CUBN: variants seen among roughly 807,000 people sequenced by gnomAD.
CUBN encodes the protein cubilin.
In CUBN, 282 loss-of-function variants were observed where a neutral mutation model predicts 405.3. The ratio of observed to expected loss-of-function variants is 0.70; its 90% CI spans 0.63 to 0.77. The LOEUF is 0.77. CUBN is among the 30% of genes least tolerant of loss of function. The pLI is 0.00. For synonymous variants in CUBN, 1,684 were observed against 1,617.0 expected (o/e 1.04, Z -0.99); for missense variants, 4,514 against 4,475.2 (o/e 1.01, Z -0.25).
Position 17,122,893 on chromosome 10 carries a change from A to G in CUBN, c.495T>C (p.Pro165=). ...FCICPPQWKG[P]LCSADVNECE... ...ATTCGTTAACATCAGCTGAGCAGAG[A>G]GGACCCTGTGATCATATAAGGAACA... is the stretch of plus-strand genomic sequence containing the variant. The change falls in exon 6 of 67, where the codon CCT becomes CCC. Residue 165 remains proline, a synonymous_variant. Transcript: ENST00000377833. 3 of 1,612,996 alleles carry G rather than the reference A, an allele frequency of 1.9e-6. No individual in the cohort carries two copies. Among genetic ancestry groups the G allele is most frequent in the Non-Finnish European group, 2.5e-6 (3 of 1,179,000 alleles).
chr10:16,860,276 T>G (rs1239255961), intron 59 of CUBN, among the ~76,000 whole-genome samples: 1 of 152,108 alleles, frequency 6.6e-6, no homozygotes, highest in African/African-American at 2.4e-5. Context: ...TTCTTCAGGA[T>G]AGAGACAAGT....
chr10:16,839,672 T>G (rs1214531973), intron 62 of CUBN, among the ~76,000 whole-genome samples: 1 of 121,138 alleles, frequency 8.3e-6, no homozygotes, highest in African/African-American at 2.5e-5. Flanking sequence ...TCCTTAGGGA[T>G]CTAGAACTAG....
chr10:16,844,269 CCA>C (rs1564381598), intron 60 of CUBN, among the ~76,000 whole-genome samples: 26 of 132,248 alleles, frequency 2.0e-4, no homozygotes, highest in Admixed American at 2.9e-4. Context: ...AACTCTGTCC[CCA>C]AAAAAAAAAA....
intron 14 of CUBN, among the ~76,000 whole-genome samples, chr10:17,092,313 A>G (rs1836281506): frequency 6.6e-6 from 1 of 152,104 alleles, no homozygotes; most frequent in Admixed American, 6.6e-5. Context: ...TCCCTCTACA[A>G]CCCTTAGGAT....
intron 17 of CUBN, 102 bp from the exon 18 acceptor site, chr10:17,072,073 T>G: frequency 1.1e-6 from 1 of 886,866 alleles, no homozygotes; most frequent in Non-Finnish European, 1.8e-6. Flanking sequence ...TCAAAATGAA[T>G]GATAATCCAA....
At chr10:16,965,287 TC>T (rs1843356826) in intron 31 of CUBN, among the ~76,000 whole-genome samples, 2 of 152,238 alleles carry the variant, frequency 1.3e-5, no homozygotes, top group African/African-American at 4.8e-5. Flanking sequence ...GCGTGCGCTT[TC>T]TAAAATGTAA....
At chr10:16,892,769 C>T (rs1399735930) in intron 54 of CUBN, among the ~76,000 whole-genome samples, 1 of 152,138 alleles carries the variant, frequency 6.6e-6, no homozygotes, top group Non-Finnish European at 1.5e-5. Context: ...GCTGGGATTA[C>T]AGGCATAAGC....
chr10:17,012,359 G>C (rs765843296), intron 28 of CUBN, among the ~76,000 whole-genome samples: 1 of 151,900 alleles, frequency 6.6e-6, no homozygotes, highest in Non-Finnish European at 1.5e-5. Flanking sequence ...GTGGCATCTC[G>C]TACTATCCCT....
intron 43 of CUBN, among the ~76,000 whole-genome samples, chr10:16,924,858 A>G (rs765034588): frequency 2.4e-4 from 36 of 152,196 alleles, no homozygotes; most frequent in Admixed American, 1.3e-4. Context: ...TTACAAAATA[A>G]GGCAAATGTA....
At chr10:17,033,455 A>G (rs1450840205) in intron 27 of CUBN, among the ~76,000 whole-genome samples, 2 of 152,224 alleles carry the variant, frequency 1.3e-5, no homozygotes, top group Non-Finnish European at 1.5e-5. Context: ...AAACAGTCAC[A>G]TGTCCATAGC....
chr10:17,089,442 A>G (rs1282835005), intron 14 of CUBN, among the ~76,000 whole-genome samples: 4 of 152,224 alleles, frequency 2.6e-5, no homozygotes, highest in Non-Finnish European at 5.9e-5. Context: ...AAGAATAGAG[A>G]CATGAATAGA....
At chr10:17,050,161 T>C (rs918491830) in intron 22 of CUBN, among the ~76,000 whole-genome samples, 1 of 152,220 alleles carries the variant, frequency 6.6e-6, no homozygotes, top group Non-Finnish European at 1.5e-5. Flanking sequence ...CTCTCTCTTC[T>C]TCCTGTACTC....
intron 27 of CUBN, among the ~76,000 whole-genome samples, chr10:17,028,675 T>C (rs1834726711): frequency 6.8e-6 from 1 of 147,880 alleles, no homozygotes; most frequent in South Asian, 2.1e-4. Flanking sequence ...GAACTGAGAA[T>C]GCAACACTGC....
At chr10:16,991,977 ACTTGGAAC>A (rs932897464) in intron 28 of CUBN, among the ~76,000 whole-genome samples, 2 of 152,230 alleles carry the variant, frequency 1.3e-5, no homozygotes, top group African/African-American at 4.8e-5. Flanking sequence ...AAGAGCAAAG[ACTTGGAAC>A]CAACCCAAAT....
intron 54 of CUBN, among the ~76,000 whole-genome samples, chr10:16,891,342 T>C (rs1054424302): frequency 1.3e-5 from 2 of 152,116 alleles, no homozygotes; most frequent in Non-Finnish European, 2.9e-5. Flanking sequence ...ATGGGGCTGT[T>C]GAGAATATAT....
intron 14 of CUBN, among the ~76,000 whole-genome samples, chr10:17,092,367 C>T (rs1008496884): frequency 3.9e-5 from 6 of 152,252 alleles, no homozygotes; most frequent in Non-Finnish European, 7.4e-5. Context: ...AAACCATAGG[C>T]ATTCAAACCA....
intron 66 of CUBN, among the ~76,000 whole-genome samples, chr10:16,825,330 G>A (rs903045256): frequency 6.6e-6 from 1 of 152,044 alleles, no homozygotes; most frequent in Non-Finnish European, 1.5e-5. Flanking sequence ...TCTTTGGGGG[G>A]TAATGAAAGT....
intron 32 of CUBN, among the ~76,000 whole-genome samples, chr10:16,953,052 T>C (rs1388865574): frequency 6.6e-6 from 1 of 152,170 alleles, no homozygotes; most frequent in East Asian, 1.9e-4. Context: ...TCTGGGGCTC[T>C]TGGTTAACAT....
At chr10:16,911,188 C>A (rs560246920) in intron 48 of CUBN, among the ~76,000 whole-genome samples, 1 of 152,154 alleles carries the variant, frequency 6.6e-6, no homozygotes, top group South Asian at 2.1e-4. Context: ...GCATAAAACC[C>A]AAGAAAATGT....
Sources: allele counts gnomAD v4.1 joint callset (sites outside exome capture counted in the v4.1 genomes callset), GRCh38; gene constraint gnomAD v4.1.1; transcripts MANE v1.5; gene names NCBI Gene and HGNC (gene_info 2026-07-23, HGNC 2026-07-21).